ATRX: variants seen among roughly 807,000 people sequenced by gnomAD.
ATRX encodes the protein ATRX chromatin remodeler, also known as chromatin remodeler ATRX.
ATRX carries 12 observed loss-of-function variants against 172.6 expected under a neutral mutation model. The observed-to-expected ratio is 0.07, with a 90% CI of 0.04 to 0.11. The LOEUF (loss-of-function observed/expected upper bound fraction) is 0.11, where lower values mean the gene tolerates loss of function less well. Among genes scored for constraint, ATRX ranks in the 10% least tolerant of loss-of-function variants. The pLI is 1.00. For synonymous variants in ATRX, 674 were observed against 594.7 expected (o/e 1.13, Z -1.94); for missense variants, 1,368 against 1,767.4 (o/e 0.77, Z 4.05).
chrX:77,603,484 G>A (rs188611698), intron 22 of ATRX, among the ~76,000 whole-genome samples: 2 of 108,815 alleles, frequency 1.8e-5, no homozygotes, highest in Non-Finnish European at 3.8e-5. Context: ...TCCTGCCTCA[G>A]CCTCCCGAGT....
At chrX:77,702,246 C>A (rs1293481274) in intron 2 of ATRX, among the ~76,000 whole-genome samples, 1 of 111,411 alleles carries the variant, frequency 9.0e-6, no homozygotes, top group African/African-American at 3.3e-5. Flanking sequence ...AGTTCAAGAC[C>A]AGCCTGGCCA....
Position 77,682,521 on chromosome X carries a change from T to C in ATRX, c.2735A>G (p.Gln912Arg). 6 of 1,211,808 alleles carry C rather than the reference T, an allele frequency of 5.0e-6. No homozygotes were observed. The highest frequency in any genetic ancestry group is 6.7e-6 in the Non-Finnish European group (6 of 895,507). The change falls in exon 9 of 35, where the codon CAG (glutamine) becomes CGG (arginine). Residue 912 changes from glutamine to arginine, a missense_variant. Physicochemically the swap from Gln to Arg is conservative, Grantham distance 43 (BLOSUM62 1). Coordinates refer to ENST00000373344, the MANE Select transcript of ATRX (RefSeq NM_000489.6). The stretch of plus-strand genomic sequence containing the variant: ...ACCATCAGTGGAAGCACTTGCTTGC[T>C]GCTTCTTAGGAAGTCGATCTCTTAA... ...MELRDRLPKKQQASASTDGVD... is the reference protein window; with the variant it reads ...MELRDRLPKKRQASASTDGVD...
chrX:77,541,903 A>G (rs939593186), intron 30 of ATRX, among the ~76,000 whole-genome samples: 2 of 111,687 alleles, frequency 1.8e-5, no homozygotes, highest in Non-Finnish European at 3.8e-5. Context: ...TTTGAAAACC[A>G]GCACAAGACA....
chrX:77,756,922 AT>A (rs1380164717), intron 1 of ATRX, among the ~76,000 whole-genome samples: 1 of 109,766 alleles, frequency 9.1e-6, no homozygotes, highest in Non-Finnish European at 1.9e-5. Context: ...AGTAGCTGGG[AT>A]TACAGGCACA....
chrX:77,693,981 G>T, intron 5 of ATRX, 44 bp from the exon 6 acceptor site: 1 of 998,383 alleles, frequency 1.0e-6, no homozygotes, highest in Non-Finnish European at 1.4e-6. Flanking sequence ...TATTAAATGT[G>T]CAAGTGAAGT....
chrX:77,676,109 T>C, intron 10 of ATRX, 117 bp downstream of exon 10: 1 of 665,731 alleles, frequency 1.5e-6, no homozygotes. Context: ...TGAGCGAGTC[T>C]TTCTAAGGCA....
At position 77,599,577 on chromosome X, in the gene ATRX, C is replaced by G. The variant is rs1557085937; in HGVS notation, c.5790G>C (p.Lys1930Asn). The part of the protein sequence containing the change: ...MSLSSDDYTK[K>N]KKKGKKGKKD... ...TTTTCCCCTTTTTCCCTTTTTTCTT[C>G]TTTCTAAAAACAAACAAACAAACAA... is the stretch of plus-strand genomic sequence containing the variant. Residue 1930 changes from lysine to asparagine, a missense_variant, in exon 25 of 35, where the codon AAG becomes AAC. By Grantham distance (94) the Lys-to-Asn change is moderately conservative. Around this residue, in one of 17 missense-constraint regions of ATRX, gnomAD observed 17 missense variants for 17.7 expected, o/e 0.96. Transcript: ENST00000373344. 1 of 1,209,006 alleles carries G rather than the reference C, an allele frequency of 8.3e-7. No individual in the cohort carries two copies. The highest frequency in any genetic ancestry group is 1.1e-6 in the Non-Finnish European group (1 of 894,591).
At chrX:77,676,386 T>A in intron 9 of ATRX, 88 bp from the exon 10 acceptor site, 1 of 831,041 alleles carries the variant, frequency 1.2e-6, no homozygotes, top group Non-Finnish European at 1.7e-6. Flanking sequence ...CCAAAAACTT[T>A]AAAGCAAACT....
intron 22 of ATRX, among the ~76,000 whole-genome samples, chrX:77,608,348 AAC>A (rs1235457355): frequency 2.9e-5 from 3 of 102,493 alleles, no homozygotes; most frequent in African/African-American, 1.1e-4. Context: ...CAGCCTGGAC[AAC>A]AGAGCGAGAC....
intron 7 of ATRX, among the ~76,000 whole-genome samples, chrX:77,687,132 G>A (rs782123708): frequency 2.7e-4 from 22 of 80,958 alleles, no homozygotes; most frequent in South Asian, 1.5e-3. Context: ...CAGCCTGGGC[G>A]ACAGAGCAAG....
chrX:77,759,238 A>T (rs1408386905), intron 1 of ATRX, among the ~76,000 whole-genome samples: 1 of 111,681 alleles, frequency 9.0e-6, no homozygotes, highest in Admixed American at 9.6e-5. Flanking sequence ...GAACATTCTC[A>T]AACTGCCAGT....
chrX:77,652,320 C>G lies in ATRX; in HGVS notation c.4351G>C (p.Glu1451Gln), dbSNP rs2148440028. ...TCCTCCTCCTCCTCTTCCTCCTCCTCTTCTTTTTCCTCCTCTTCTTCCTCA... is the reference window on the plus strand; with the variant it reads ...TCCTCCTCCTCCTCTTCCTCCTCCTGTTCTTTTTCCTCCTCTTCTTCCTCA... ...NSEEEEEEKE[E>Q]EEEEEEEEEE... The change falls in exon 15 of 35, where the codon GAG (glutamate) becomes CAG (glutamine). Residue 1451 changes from glutamate (E) to glutamine (Q), a missense_variant. This residue lies in a region of ATRX where 119 missense variants were observed against 131.3 expected (regional missense o/e 0.91). Coordinates refer to ENST00000373344, the MANE Select transcript of ATRX (RefSeq NM_000489.6). 2 of 1,206,458 alleles carry G rather than the reference C, an allele frequency of 1.7e-6. No homozygotes were observed. The highest frequency in any genetic ancestry group is 2.2e-6 in the Non-Finnish European group (2 of 893,004).
intron 1 of ATRX, among the ~76,000 whole-genome samples, chrX:77,774,212 A>C (rs782618061): frequency 5.7e-4 from 63 of 109,582 alleles, no homozygotes; most frequent in South Asian, 3.6e-3. Context: ...ACAAGAGCAA[A>C]ACTGTCTCAA....
chrX:77,705,564 T>C (rs996581436), intron 2 of ATRX, among the ~76,000 whole-genome samples: 5 of 112,104 alleles, frequency 4.5e-5, no homozygotes, highest in African/African-American at 1.3e-4. Flanking sequence ...TTTGTAAAAA[T>C]TGACAAGCTC....
intron 3 of ATRX, 64 bp from the exon 4 acceptor site, chrX:77,697,699 T>C (rs2148682428): frequency 1.0e-6 from 1 of 983,493 alleles, no homozygotes; most frequent in Admixed American, 2.2e-5. Flanking sequence ...TACAATTAGC[T>C]ATTTCCCTAT....
At chrX:77,761,993 T>C (rs1379584183) in intron 1 of ATRX, among the ~76,000 whole-genome samples, 2 of 111,136 alleles carry the variant, frequency 1.8e-5, no homozygotes, top group African/African-American at 6.5e-5. Context: ...ATTAGTTTAG[T>C]GTACCATCTT....
intron 19 of ATRX, among the ~76,000 whole-genome samples, chrX:77,624,813 T>C (rs2067755596): frequency 9.0e-6 from 1 of 111,706 alleles, no homozygotes. Flanking sequence ...AAAATGACCA[T>C]ACTGCCAAAA....
chrX:77,695,382 GT>G, intron 5 of ATRX, among the ~76,000 whole-genome samples: 1 of 111,489 alleles, frequency 9.0e-6, no homozygotes, highest in African/African-American at 3.2e-5. Context: ...AAACGGGTCT[GT>G]TTTTGTTTTG....
At position 77,563,592 on chromosome X, in the gene ATRX, C is replaced by T. The variant is rs35099324; in HGVS notation, c.6327-4746G>A. ...TATATCTATATATTGGAAATAGCTTCTCCAACTTTGTGGCTTGCCTTTACA... is the reference window on the plus strand; with the variant it reads ...TATATCTATATATTGGAAATAGCTTTTCCAACTTTGTGGCTTGCCTTTACA... On this transcript the variant is annotated intron_variant, in intron 28 of 34. Coordinates refer to ENST00000373344, the MANE Select transcript of ATRX (RefSeq NM_000489.6). 7.0e-3 allele frequency among the ~76,000 whole-genome samples: 781 copies of T among 111,426 alleles called. 9 individuals carry two copies. Among genetic ancestry groups the T allele is most frequent in the African/African-American group, 0.025 (752 of 30,634 alleles).
Sources: allele counts gnomAD v4.1 joint callset (sites outside exome capture counted in the v4.1 genomes callset), GRCh38; gene constraint gnomAD v4.1.1; regional missense constraint gnomAD v4.1.1; transcripts MANE v1.5; gene names NCBI Gene and HGNC (gene_info 2026-07-23, HGNC 2026-07-21).